MAP4K2: variants seen among roughly 807,000 people sequenced by gnomAD.
MAP4K2 encodes mitogen-activated protein kinase kinase kinase kinase 2, also known as B lymphocyte serine/threonine protein kinase.
In MAP4K2, 85 loss-of-function variants were observed where a neutral mutation model predicts 125.3. The ratio of observed to expected loss-of-function variants is 0.68; its 90% CI spans 0.57 to 0.81. The LOEUF (loss-of-function observed/expected upper bound fraction) is 0.81. MAP4K2 is among the 40% of genes least tolerant of loss of function. MAP4K2 has a pLI of 0.00. For synonymous variants in MAP4K2, 479 were observed against 445.1 expected, an observed-to-expected ratio of 1.08 and a Z score of -0.96; for missense variants, 923 against 1,056.4, an observed-to-expected ratio of 0.87 and a Z score of 1.75.
chr11:64,798,947 G>C, intron 14 of MAP4K2, 110 bp from the exon 15 acceptor site: 1 of 914,626 alleles, frequency 1.1e-6, no homozygotes, highest in Admixed American at 2.3e-5. Flanking sequence ...AGACGGGAAA[G>C]GTGAGATGGA....
chr11:64,790,908 G>C (rs937770791), intron 27 of MAP4K2, among the ~76,000 whole-genome samples: 1 of 152,174 alleles, frequency 6.6e-6, no homozygotes, highest in Admixed American at 6.5e-5. Flanking sequence ...GGCCGAAGCG[G>C]GTGGATCACC....
rs75508553 is a variant in MAP4K2, at chr11:64,802,004, C to G, written c.366+62G>C. The G allele has an allele frequency of 1.8e-3, 2,717 of 1,533,924 alleles. 38 individuals carry two copies. In the African/African-American group the frequency reaches 0.032, roughly 18 times the overall value. On this transcript the variant is annotated intron_variant, in intron 5 of 31. Transcript: ENST00000294066. Reference sequence around the variant, plus strand: ...CTCCACCCGCCTCCCTGCTGGTCATCTGGGCTCCTGGCCCACAGCTTCTGG... The same window carrying G: ...CTCCACCCGCCTCCCTGCTGGTCATGTGGGCTCCTGGCCCACAGCTTCTGG...
In MAP4K2 at chr11:64,790,190, A is replaced by C. The variant is rs1940391781; in HGVS notation, c.2246T>G (p.Val749Gly). The change falls in exon 29 of 32, where the codon GTG becomes GGG. Residue 749 changes from valine (V) to glycine (G), a missense_variant and splice_region_variant. By Grantham distance (109) the Val-to-Gly change is moderately radical. This residue lies in a region of MAP4K2 where 90 missense variants were observed against 144.9 expected (regional missense o/e 0.62). Transcript: ENST00000294066. ...CACCCCACCTCTGGCTCACTCACCC[A>C]CAGTCTCGATGGGGAAATCAAAGGT... ...ELTFDFPIET[V>G]VCLQDSVLAF... is the part of the protein sequence containing the mutation. The C allele has an allele frequency of 6.2e-7, 1 of 1,613,736 alleles. No homozygotes were observed. The highest frequency in any genetic ancestry group is 8.5e-7 in the Non-Finnish European group (1 of 1,179,932).
chr11:64,792,463 C>A (rs755826362), intron 24 of MAP4K2, 41 bp from the exon 25 acceptor site: 11 of 1,544,226 alleles, frequency 7.1e-6, no homozygotes, highest in Non-Finnish European at 8.8e-6. Context: ...GGGATGCCAT[C>A]CATGGGCAAG....
intron 22 of MAP4K2, 39 bp from the exon 23 acceptor site, chr11:64,796,592 C>A: frequency 6.2e-7 from 1 of 1,613,952 alleles, no homozygotes; most frequent in Non-Finnish European, 8.5e-7. Flanking sequence ...GCACCCCAGG[C>A]CCCCACAAGG....
Position 64,800,183 on chromosome 11 carries a change from G to C in MAP4K2, c.841C>G (p.Leu281Val). 1 of 1,613,292 alleles carries C rather than the reference G, an allele frequency of 6.2e-7. No individual in the cohort carries two copies. Among genetic ancestry groups the C allele is most frequent in the South Asian group, 1.1e-5 (1 of 91,026 alleles). The change falls in exon 12 of 32, where the codon CTC (leucine) becomes GTC (valine). Residue 281 changes from leucine (L) to valine (V), a missense_variant. Around this residue, in one of 2 missense-constraint regions of MAP4K2, gnomAD observed 833 missense variants for 911.4 expected, o/e 0.91. Transcript: ENST00000294066. ...PFTTQQLPRA[L>V]LTQLLDKASD... is the part of the protein sequence containing the mutation. ...GCTTTGTCCAGCAGCTGTGTGAGGA[G>C]GGCCCGAGGGAGCTGCTGAGTCGTG...
intron 13 of MAP4K2, 24 bp downstream of exon 13, chr11:64,799,581 A>G: frequency 6.2e-7 from 1 of 1,613,762 alleles, no homozygotes; most frequent in Non-Finnish European, 8.5e-7. Flanking sequence ...ATCTGCACAC[A>G]CACAGCCCCT....
At chr11:64,794,465 T>C (rs1940674468) in intron 24 of MAP4K2, among the ~76,000 whole-genome samples, 1 of 152,056 alleles carries the variant, frequency 6.6e-6, no homozygotes, top group Non-Finnish European at 1.5e-5. Context: ...GTTCAAGCTA[T>C]TCTCCTGCCT....
Position 64,800,838 on chromosome 11 carries a change from G to A in MAP4K2, c.663-12C>T, listed in dbSNP as rs77365612. On this transcript the variant is annotated splice_polypyrimidine_tract_variant and intron_variant, in intron 9 of 31. Coordinates refer to ENST00000294066, the MANE Select transcript of MAP4K2 (RefSeq NM_004579.5). ...TGAGCATCAGGGCCCTGTGGAGGGC[G>A]CGAGGTCAGGGGCCACAGGCCGCAG... 4,169 of 1,613,204 alleles carry A rather than the reference G, an allele frequency of 2.6e-3. 98 individuals are homozygous for A. In the African/African-American group the frequency reaches 0.047, roughly 18 times the overall value.
intron 27 of MAP4K2, 28 bp downstream of exon 27, chr11:64,791,881 C>T: frequency 3.3e-6 from 5 of 1,520,522 alleles, no homozygotes; most frequent in Non-Finnish European, 4.4e-6. Flanking sequence ...CACACACCCA[C>T]CCCCAGCAGC....
intron 23 of MAP4K2, 32 bp from the exon 24 acceptor site, chr11:64,796,422 T>G: frequency 6.2e-7 from 1 of 1,613,476 alleles, no homozygotes; most frequent in Non-Finnish European, 8.5e-7. Context: ...AGGCCTGGGG[T>G]GTTGGTGGGC....
intron 27 of MAP4K2, 21 bp from the exon 28 acceptor site, chr11:64,790,483 C>A (rs1379543951): frequency 1.2e-6 from 2 of 1,612,522 alleles, no homozygotes; most frequent in Non-Finnish European, 1.7e-6. Context: ...AGAAGAGAGA[C>A]ATGGCCTGGC....
chr11:64,795,628 T>C (rs1592588280), intron 24 of MAP4K2, among the ~76,000 whole-genome samples: 1 of 152,304 alleles, frequency 6.6e-6, no homozygotes, highest in South Asian at 2.1e-4. Flanking sequence ...AGTCTCCATC[T>C]CCTGACCTCG....
chr11:64,795,969 A>C (rs1348229644), intron 24 of MAP4K2, among the ~76,000 whole-genome samples: 1 of 152,218 alleles, frequency 6.6e-6, no homozygotes, highest in Non-Finnish European at 1.5e-5. Flanking sequence ...CCCGAAGCCC[A>C]GCATAGGGGC....
chr11:64,802,455 ACTC>A lies in MAP4K2; in HGVS notation c.271_273del (p.Glu91del). The A allele has an allele frequency of 6.6e-7, 1 of 1,514,208 alleles. No individual in the cohort carries two copies. The highest frequency in any genetic ancestry group is 1.3e-5 in the South Asian group (1 of 76,078). 93.8% of individuals were successfully genotyped at this position (1,514,208 alleles called of 1,614,324 possible). A position where few individuals can be genotyped will look rare whatever the true frequency, so the allele number is the denominator to read the frequency against. The stretch of plus-strand genomic sequence containing the variant: ...TCCTGCAGGGAGCCCCCTCCGCAGA[ACTC>A]CATGCAGATCCACAAGCGGTCATTC... On this transcript the variant is annotated inframe_deletion, in exon 4 of 32. Transcript: ENST00000294066.
intron 24 of MAP4K2, among the ~76,000 whole-genome samples, chr11:64,795,470 G>A (rs570595649): frequency 3.4e-4 from 50 of 149,078 alleles, no homozygotes; most frequent in Non-Finnish European, 6.5e-4. Context: ...GCGTGATCCC[G>A]GCTCACTGCA....
chr11:64,801,666 G>GCCT lies in MAP4K2; in HGVS notation c.414+41_414+43dup, dbSNP rs751336050. 5 of 1,613,742 alleles carry GCCT rather than the reference G, an allele frequency of 3.1e-6. 1 individual carries two copies. The highest frequency in any genetic ancestry group is 4.2e-6 in the Non-Finnish European group (5 of 1,179,800). ...ACAATCCCATCTGGTGCCCCCGAGG[G>GCCT]CCTCCTCCTCCCTCCCCAGGAGTGC... On this transcript the variant is annotated intron_variant, in intron 6 of 31. Coordinates refer to ENST00000294066, the MANE Select transcript of MAP4K2 (RefSeq NM_004579.5).
rs1323315509 is a variant in MAP4K2, at chr11:64,788,305, A to G, written c.*1232T>C. 1.8e-5 allele frequency: 1 copy of G among 54,388 alleles called. No homozygotes were observed. Among genetic ancestry groups the G allele is most frequent in the African/African-American group, 7.0e-5 (1 of 14,278 alleles). The allele number at this position is 54,388 out of a possible 1,614,324, so 3.4% of individuals were successfully genotyped here. On this transcript the variant is annotated 3_prime_UTR_variant, in exon 32 of 32. Coordinates refer to ENST00000294066, the MANE Select transcript of MAP4K2 (RefSeq NM_004579.5). ...CAGCTGTTCCCCCCACCCTGCCCCC[A>G]CCTTCCCAGCCCCCCAGCTGTGGGC...
chr11:64,802,928 G>A lies in MAP4K2; in HGVS notation c.111C>T (p.Val37=). 1 of 1,590,616 alleles carries A rather than the reference G, an allele frequency of 6.3e-7. No individual in the cohort carries two copies. Residue 37 remains valine (V), a synonymous_variant, in exon 2 of 32, where the codon GTC becomes GTT. Coordinates refer to ENST00000294066, the MANE Select transcript of MAP4K2 (RefSeq NM_004579.5). ...TCTTCACGGCGGCCAGTTCGGACGT[G>A]ACCGTGTCGCGGGCCTGCAGGGGCG... is the stretch of plus-strand genomic sequence containing the variant. ...YGDVYKARDT[V]TSELAAVKIV... is the part of the protein sequence containing the mutation.
Sources: allele counts gnomAD v4.1 joint callset (sites outside exome capture counted in the v4.1 genomes callset), GRCh38; gene constraint gnomAD v4.1.1; regional missense constraint gnomAD v4.1.1; transcripts MANE v1.5; gene names NCBI Gene and HGNC (gene_info 2026-07-23, HGNC 2026-07-21).